The following NFAM1 variants were observed in gnomAD, a reference collection of about 807,000 sequenced individuals.
NFAM1 encodes the protein NFAT activating protein with ITAM motif 1.
In NFAM1, 17 loss-of-function variants were observed where a neutral mutation model predicts 29.0. That is an observed-to-expected ratio of 0.59 (90% CI 0.40 to 0.88). The LOEUF (loss-of-function observed/expected upper bound fraction) is 0.88. NFAM1 is among the 40% of genes least tolerant of loss of function. NFAM1 has a pLI of 0.00. For missense variants in NFAM1, 324 were observed against 344.6 expected, an observed-to-expected ratio of 0.94 and a Z score of 0.47; for synonymous variants, 175 against 147.2, an observed-to-expected ratio of 1.19 and a Z score of -1.36.
At chr22:42,437,835 A>C in the NFAM1 span, among the ~76,000 whole-genome samples, 1,289 of 152,260 alleles carry the variant, frequency 8.5e-3, 16 homozygotes, top group African/African-American at 0.029. Context: ...GGCAGAACCA[A>C]GAGTGTGCCG....
intron 4 of NFAM1, among the ~76,000 whole-genome samples, chr22:42,393,388 A>ATTAT (rs962025792): frequency 5.9e-5 from 9 of 151,816 alleles, no homozygotes; most frequent in African/African-American, 1.9e-4. Context: ...CATGAAAAAA[A>ATTAT]TTATTTATTT....
At chr22:42,431,561 A>C (rs2146562245) in intron 1 of NFAM1, among the ~76,000 whole-genome samples, 1 of 152,152 alleles carries the variant, frequency 6.6e-6, no homozygotes, top group Non-Finnish European at 1.5e-5. Context: ...ACTGGCCCTG[A>C]GGCTACCTAC....
In NFAM1 at chr22:42,387,287, G is replaced by T. The variant is rs1237006545; in HGVS notation, c.664-209C>A. ...AAGGGCTGACCCCTCTCTGTTCTCG[G>T]CCACCTCCCTAACCTCCCTTAAGGA... On this transcript the variant is annotated intron_variant, in intron 4 of 5. Transcript: ENST00000329021. 2.0e-5 allele frequency among the ~76,000 whole-genome samples: 3 copies of T among 152,040 alleles called. No homozygotes were observed. The East Asian group carries it at 5.8e-4, about 29-fold the overall frequency.
chr22:42,431,415 G>T (rs1226065795), intron 1 of NFAM1, among the ~76,000 whole-genome samples: 2 of 152,210 alleles, frequency 1.3e-5, no homozygotes, highest in Admixed American at 6.5e-5. Flanking sequence ...CCACAGTGGA[G>T]GCCACCCCTT....
At chr22:42,426,568 G>A (rs755695309) in intron 1 of NFAM1, among the ~76,000 whole-genome samples, 3 of 152,202 alleles carry the variant, frequency 2.0e-5, no homozygotes, top group South Asian at 2.1e-4. Flanking sequence ...TCAGAGAACC[G>A]GCTCAGGTGG....
rs183166830 is a variant in NFAM1 at position 42,385,149 on chromosome 22, G to A, written c.*12C>T. On this transcript the variant is annotated 3_prime_UTR_variant, in exon 6 of 6. Transcript: ENST00000329021. ...TGACCCAGGGCAAGCTCTATGAGCG[G>A]TGGAGCCCATCCTAGAGATTTTCAT... is the stretch of plus-strand genomic sequence containing the variant. 2 of 1,608,924 alleles carry A rather than the reference G, an allele frequency of 1.2e-6. No individual in the cohort carries two copies. Among genetic ancestry groups the A allele is most frequent in the African/African-American group, 2.7e-5 (2 of 74,800 alleles).
At chr22:42,413,880 C>T (rs1375017107) in intron 1 of NFAM1, among the ~76,000 whole-genome samples, 1 of 152,080 alleles carries the variant, frequency 6.6e-6, no homozygotes, top group Non-Finnish European at 1.5e-5. Context: ...ATGGCAAAAC[C>T]CCGTCTCTAC....
intron 4 of NFAM1, among the ~76,000 whole-genome samples, chr22:42,392,910 C>T (rs1332616026): frequency 1.3e-5 from 2 of 152,004 alleles, no homozygotes; most frequent in African/African-American, 4.8e-5. Context: ...AGTGATTCTC[C>T]TGTCTCAGCC....
Position 42,411,389 on chromosome 22 carries a change from C to T in NFAM1, c.451+18G>A, listed in dbSNP as rs1372932392. 2 of 1,586,494 alleles carry T rather than the reference C, an allele frequency of 1.3e-6. No homozygotes were observed. Among genetic ancestry groups the T allele is most frequent in the Non-Finnish European group, 1.7e-6 (2 of 1,158,054 alleles). ...CTCTGTGTCCTTTGCCCTGGAAGAG[C>T]CACAGAGGAAGCCTTACCTCTGACC... On this transcript the variant is annotated intron_variant, in intron 2 of 5. Coordinates refer to ENST00000329021, the MANE Select transcript of NFAM1 (RefSeq NM_145912.8).
intron 4 of NFAM1, among the ~76,000 whole-genome samples, chr22:42,396,715 A>G (rs1466978982): frequency 1.3e-5 from 2 of 152,196 alleles, no homozygotes; most frequent in Non-Finnish European, 1.5e-5. Context: ...AAGCCCTTTG[A>G]GAACCATCAC....
chr22:42,435,914 G>C (rs974073695), upstream of NFAM1, among the ~76,000 whole-genome samples: 3 of 151,416 alleles, frequency 2.0e-5, no homozygotes, highest in African/African-American at 7.3e-5. Context: ...CTGCCTTGCG[G>C]GTTCAAGTGA....
At chr22:42,403,721 G>C (rs73886076) in intron 3 of NFAM1, among the ~76,000 whole-genome samples, 4,266 of 152,348 alleles carry the variant, frequency 0.028, 205 homozygotes, top group African/African-American at 0.099. Context: ...CTGTGCTAGA[G>C]GCTGGGGCTT....
At chr22:42,423,321 C>G (rs1202741395) in intron 1 of NFAM1, among the ~76,000 whole-genome samples, 1 of 151,974 alleles carries the variant, frequency 6.6e-6, no homozygotes, top group Non-Finnish European at 1.5e-5. Context: ...CCATCTCAGC[C>G]TGGGAGGGGC....
At position 42,419,674 on chromosome 22, in the gene NFAM1, C is replaced by A. The variant is rs555269693; in HGVS notation, c.122-7938G>T. ...TCAGCCTGCCACACTCCGGCGCCTT[C>A]GCCCGTGCTGTTCCGGCTGTGCGGA... On this transcript the variant is annotated intron_variant, in intron 1 of 5. Transcript: ENST00000329021. This position sits in a 1 kb window ranked among gnomAD's most constrained non-coding sequence, Gnocchi z 4.5. Among the ~76,000 whole-genome samples, 1 of 152,172 alleles carries A rather than the reference C, an allele frequency of 6.6e-6. No individual in the cohort carries two copies. The highest frequency in any genetic ancestry group is 6.5e-5 in the Admixed American group (1 of 15,280).
At position 42,383,012 on chromosome 22, in the gene NFAM1, T is replaced by C. The variant is rs1057157; in HGVS notation, c.*2149A>G. 48,519 of 152,676 alleles carry C rather than the reference T, an allele frequency of 0.32. 8,174 individuals are homozygous for C. The highest frequency in any genetic ancestry group is 0.42 in the Admixed American group (6,414 of 15,278). The allele number at this position is 152,676 out of a possible 1,614,324, so 9.5% of individuals were successfully genotyped here. A position where few individuals can be genotyped will look rare whatever the true frequency, so the allele number is the denominator to read the frequency against. ...CAAGTGAGGCAAAAACCATGCAAGG[T>C]ATAGAGCAGGGGAGGCCAAGGCCAG... On this transcript the variant is annotated 3_prime_UTR_variant, in exon 6 of 6. Coordinates refer to ENST00000329021, the MANE Select transcript of NFAM1 (RefSeq NM_145912.8).
chr22:42,432,685 G>A (rs906792246), upstream of NFAM1, among the ~76,000 whole-genome samples: 1 of 152,126 alleles, frequency 6.6e-6, no homozygotes, highest in Admixed American at 6.6e-5. Context: ...GGGATCATGG[G>A]ATTTCCATGA....
Position 42,386,995 on chromosome 22 carries a change from G to A in NFAM1, c.747C>T (p.Leu249=), listed in dbSNP as rs1318433446. ...GSSPTAKQSP[L]SQERPHRFED... ...TGCCCCAGCGCCTGTGTACCTGGGA[G>A]AGGGGGCTCTGCTTGGCGGTGGGTG... The change falls in exon 5 of 6, where the codon CTC becomes CTT. Residue 249 remains leucine (L), a synonymous_variant. Transcript: ENST00000329021. 2.6e-6 allele frequency: 4 copies of A among 1,555,600 alleles called. No individual in the cohort carries two copies. Among genetic ancestry groups the A allele is most frequent in the Admixed American group, 1.9e-5 (1 of 52,992 alleles).
Position 42,384,890 on chromosome 22 carries a change from G to A in NFAM1, c.*271C>T. ...TCCAGGAAAGCCCTTGAAGACTGAG[G>A]GGCGCTTTGCTGGTTGGGCCAAGGG... On this transcript the variant is annotated 3_prime_UTR_variant, in exon 6 of 6. Transcript: ENST00000329021. The A allele has an allele frequency of 1.8e-6, 1 of 549,220 alleles. No homozygotes were observed. Among genetic ancestry groups the A allele is most frequent in the Non-Finnish European group, 3.3e-6 (1 of 304,226 alleles). 34.0% of individuals were successfully genotyped at this position (549,220 alleles called of 1,614,324 possible).
chr22:42,384,645 G>A lies in NFAM1; in HGVS notation c.*516C>T, dbSNP rs759845834. On this transcript the variant is annotated 3_prime_UTR_variant, in exon 6 of 6. Coordinates refer to ENST00000329021, the MANE Select transcript of NFAM1 (RefSeq NM_145912.8). ...CCAGCCCCTGCTCCCACCCTGCCTGGCTGCCTCGTGCCTCTGGCCCAGCTG... is the reference window on the plus strand; with the variant it reads ...CCAGCCCCTGCTCCCACCCTGCCTGACTGCCTCGTGCCTCTGGCCCAGCTG... 7 of 168,824 alleles carry A rather than the reference G, an allele frequency of 4.1e-5. No homozygotes were observed. The highest frequency in any genetic ancestry group is 6.4e-5 in the Non-Finnish European group (5 of 77,874). The allele number at this position is 168,824 out of a possible 1,614,324, so 10.5% of individuals were successfully genotyped here. A position where few individuals can be genotyped will look rare whatever the true frequency, so the allele number is the denominator to read the frequency against.
Sources: gnomAD v4.1 joint callset for allele counts (sites outside exome capture counted in the v4.1 genomes callset) on GRCh38, gnomAD v4.1.1 for gene constraint, Gnocchi (gnomAD v3.1) non-coding constraint, MANE v1.5 for transcripts, NCBI Gene and HGNC (gene_info 2026-07-23, HGNC 2026-07-21) for gene names.